Variants in OSBPL3 observed in about 807,000 individuals in gnomAD.
OSBPL3 encodes the protein oxysterol-binding protein-related protein 3.
A neutral mutation model predicts 120.1 loss-of-function variants in OSBPL3; 65 were observed. The ratio of observed to expected loss-of-function variants is 0.54; its 90% CI spans 0.44 to 0.67. The LOEUF (loss-of-function observed/expected upper bound fraction) is 0.67. OSBPL3 is among the 30% of genes least tolerant of loss of function. The pLI is 0.00. For missense variants in OSBPL3, 1,004 were observed against 1,082.1 expected (o/e 0.93, Z 1.01); for synonymous variants, 416 against 402.6 (o/e 1.03, Z -0.40).
At chr7:24,980,918 C>T (rs1473297252), upstream of OSBPL3, among the ~76,000 whole-genome samples, 1 of 152,068 alleles carries the variant, frequency 6.6e-6, no homozygotes, top group Non-Finnish European at 1.5e-5. Context: ...AGCCCAATGG[C>T]CTTCTTTGAT....
Position 24,813,942 on chromosome 7 carries a change from T to C in OSBPL3, c.2172+1117A>G, listed in dbSNP as rs1334777392. 2.0e-5 allele frequency among the ~76,000 whole-genome samples: 3 copies of C among 152,188 alleles called. No homozygotes were observed. The highest frequency in any genetic ancestry group is 4.4e-5 in the Non-Finnish European group (3 of 68,018). On this transcript the variant is annotated intron_variant, in intron 19 of 22. Transcript: ENST00000313367. This position sits in a 1 kb window ranked among gnomAD's most constrained non-coding sequence, Gnocchi z 4.5. The stretch of plus-strand genomic sequence containing the variant: ...TCTCTGAATGTTTATGAGTCTCTCA[T>C]GTGTGCCAGACACCATTGCAGGAAT...
chr7:24,941,640 C>T (rs1009252999), intron 1 of OSBPL3, among the ~76,000 whole-genome samples: 1 of 152,220 alleles, frequency 6.6e-6, no homozygotes, highest in African/African-American at 2.4e-5. Flanking sequence ...AGATAGGTGA[C>T]AGTATTCCCA....
chr7:24,841,142 G>T (rs1049247982), intron 13 of OSBPL3, among the ~76,000 whole-genome samples: 2 of 152,030 alleles, frequency 1.3e-5, no homozygotes, highest in African/African-American at 4.8e-5. Context: ...TCTTCTATGG[G>T]AATTAATACA....
intron 2 of OSBPL3, among the ~76,000 whole-genome samples, chr7:24,885,227 C>CA (rs59823834): frequency 0.19 from 20,827 of 112,076 alleles, 1,925 homozygotes; most frequent in East Asian, 0.51. Flanking sequence ...GTCTCAAAAA[C>CA]AAAAAAAAAA....
In OSBPL3 at chr7:24,959,243, C is replaced by T. The variant is rs745336683; in HGVS notation, c.-150+20643G>A. Among the ~76,000 whole-genome samples, 2 of 152,026 alleles carry T rather than the reference C, an allele frequency of 1.3e-5. No individual in the cohort carries two copies. Among genetic ancestry groups the T allele is most frequent in the Non-Finnish European group, 2.9e-5 (2 of 67,984 alleles). On this transcript the variant is annotated intron_variant, in intron 1 of 22. Coordinates refer to ENST00000313367, the MANE Select transcript of OSBPL3 (RefSeq NM_015550.4). The surrounding 1 kb of genome is among the most constrained non-coding windows in gnomAD (Gnocchi z 4.3). ...CTCCTTGGTATATACTCAATAAAAACGCACACATTTGTTCACCAAAAGTTA... is the reference window on the plus strand; with the variant it reads ...CTCCTTGGTATATACTCAATAAAAATGCACACATTTGTTCACCAAAAGTTA...
intron 14 of OSBPL3, among the ~76,000 whole-genome samples, chr7:24,839,859 G>A (rs886316399): frequency 1.3e-5 from 2 of 151,688 alleles, no homozygotes; most frequent in South Asian, 4.2e-4. Context: ...GCATGGTGGT[G>A]CGTGCCTGTA....
In OSBPL3 at chr7:24,937,013, C is replaced by T. The variant is rs1250007121; in HGVS notation, c.-150+42873G>A. Among the ~76,000 whole-genome samples the T allele has an allele frequency of 6.6e-6, 1 of 152,036 alleles. No homozygotes were observed. Among genetic ancestry groups the T allele is most frequent in the East Asian group, 1.9e-4 (1 of 5,188 alleles). On this transcript the variant is annotated intron_variant, in intron 1 of 22. Transcript: ENST00000313367. This position sits in a 1 kb window ranked among gnomAD's most constrained non-coding sequence, Gnocchi z 4.0. ...TCTTGTGCTGCTAATAAAGACATAC[C>T]CAAGACTGGGTAATTTATAAAGGAA...
At chr7:24,880,544 C>G (rs1803529260) in intron 2 of OSBPL3, among the ~76,000 whole-genome samples, 1 of 152,232 alleles carries the variant, frequency 6.6e-6, no homozygotes, top group Non-Finnish European at 1.5e-5. Flanking sequence ...ACTCAAGGGT[C>G]TCTTCTGAGT....
At chr7:24,890,992 C>T (rs905446348) in intron 2 of OSBPL3, among the ~76,000 whole-genome samples, 1 of 152,126 alleles carries the variant, frequency 6.6e-6, no homozygotes, top group African/African-American at 2.4e-5. Flanking sequence ...CATGTTCTCC[C>T]CCTTTATCAA....
chr7:24,891,163 T>G lies in OSBPL3; in HGVS notation c.96+1214A>C, dbSNP rs998356113. On this transcript the variant is annotated intron_variant, in intron 2 of 22. Coordinates refer to ENST00000313367, the MANE Select transcript of OSBPL3 (RefSeq NM_015550.4). The surrounding 1 kb of genome is among the most constrained non-coding windows in gnomAD (Gnocchi z 4.1). ...ACAGTGACCCTCATGAAAACAGAACTGCAGGGAGCCATGATGCATTAGCCA... is the reference window on the plus strand; with the variant it reads ...ACAGTGACCCTCATGAAAACAGAACGGCAGGGAGCCATGATGCATTAGCCA... 5.3e-5 allele frequency among the ~76,000 whole-genome samples: 8 copies of G among 151,900 alleles called. No homozygotes were observed. The highest frequency in any genetic ancestry group is 1.5e-5 in the Non-Finnish European group (1 of 67,998).
intron 22 of OSBPL3, 62 bp from the exon 23 acceptor site, chr7:24,800,341 T>G: frequency 1.0e-6 from 1 of 952,988 alleles, no homozygotes. Flanking sequence ...CTCAAGTCTC[T>G]TTCCTTCCTA....
rs988891934 is a variant in OSBPL3 at position 24,968,297 on chromosome 7, G to T, written c.-150+11589C>A. ...TCCATGGTGTAAATACTCCCACTGT[G>T]GCTGGCTTCAAACTACCAACATGAA... On this transcript the variant is annotated intron_variant, in intron 1 of 22. Coordinates refer to ENST00000313367, the MANE Select transcript of OSBPL3 (RefSeq NM_015550.4). The surrounding 1 kb of genome is among the most constrained non-coding windows in gnomAD (Gnocchi z 4.6). Among the ~76,000 whole-genome samples the T allele has an allele frequency of 1.3e-5, 2 of 152,308 alleles. No individual in the cohort carries two copies. The highest frequency in any genetic ancestry group is 2.1e-4 in the South Asian group (1 of 4,820).
chr7:24,979,244 A>G (rs2128555277), intron 1 of OSBPL3, among the ~76,000 whole-genome samples: 1 of 151,952 alleles, frequency 6.6e-6, no homozygotes, highest in East Asian at 1.9e-4. Context: ...GACGAGAGTT[A>G]GGGTGAGCCT....
rs1331646628 is a variant in OSBPL3, at chr7:24,980,075, C to T, written c.-339G>A. On this transcript the variant is annotated 5_prime_UTR_variant, in exon 1 of 23. Coordinates refer to ENST00000313367, the MANE Select transcript of OSBPL3 (RefSeq NM_015550.4). ...TGCAGACAGACTGCGGGGCCGGAGCCGCGCTGCGCACCGGCCGCGAAGCGC... is the reference window on the plus strand; with the variant it reads ...TGCAGACAGACTGCGGGGCCGGAGCTGCGCTGCGCACCGGCCGCGAAGCGC... The T allele has an allele frequency of 5.1e-6, 5 of 984,590 alleles. No individual in the cohort carries two copies. In the East Asian group the frequency reaches 5.7e-4, roughly 112 times the overall value. The allele number at this position is 984,590 out of a possible 1,614,324, so 61.0% of individuals were successfully genotyped here. A position where few individuals can be genotyped will look rare whatever the true frequency, so the allele number is the denominator to read the frequency against.
Position 24,953,886 on chromosome 7 carries a change from C to A in OSBPL3, c.-150+26000G>T, listed in dbSNP as rs1300761441. On this transcript the variant is annotated intron_variant, in intron 1 of 22. Coordinates refer to ENST00000313367, the MANE Select transcript of OSBPL3 (RefSeq NM_015550.4). The surrounding 1 kb of genome is among the most constrained non-coding windows in gnomAD (Gnocchi z 4.3). ...CTACAAAATGTGAGACAAAACAGCT[C>A]ATGAAGAAAATAATCCTTATGGTAA... 6.6e-6 allele frequency among the ~76,000 whole-genome samples: 1 copy of A among 152,186 alleles called. No individual in the cohort carries two copies. Among genetic ancestry groups the A allele is most frequent in the Non-Finnish European group, 1.5e-5 (1 of 68,036 alleles).
In OSBPL3 at chr7:24,852,409, C is replaced by T. The variant is rs1437126709; in HGVS notation, c.1158+95G>A. On this transcript the variant is annotated intron_variant, in intron 11 of 22. Transcript: ENST00000313367. The surrounding 1 kb of genome is among the most constrained non-coding windows in gnomAD (Gnocchi z 4.1). ...ATAATTTGGATAATTTGGTTTTCTC[C>T]TGAATTTTCAACATAATCATGGAAA... 20 of 1,191,144 alleles carry T rather than the reference C, an allele frequency of 1.7e-5. No individual in the cohort carries two copies. In the East Asian group the frequency reaches 5.5e-4, roughly 33 times the overall value. The allele number at this position is 1,191,144 out of a possible 1,614,324, so 73.8% of individuals were successfully genotyped here.
At chr7:24,901,144 T>C (rs1304922002) in intron 1 of OSBPL3, among the ~76,000 whole-genome samples, 1 of 151,580 alleles carries the variant, frequency 6.6e-6, no homozygotes, top group African/African-American at 2.4e-5. Context: ...CTGGCCAACA[T>C]AGAGAAACCC....
At position 24,806,203 on chromosome 7, in the gene OSBPL3, C is replaced by A. The variant is rs146852525; in HGVS notation, c.2444+573G>T. ...AACTCCTGACTTCAAGTGATCCGCC[C>A]GCTTCGGCCTCCCAAAGTGTTGTTT... On this transcript the variant is annotated intron_variant, in intron 21 of 22. Transcript: ENST00000313367. The surrounding 1 kb of genome is among the most constrained non-coding windows in gnomAD (Gnocchi z 5.2). 6.6e-6 allele frequency among the ~76,000 whole-genome samples: 1 copy of A among 152,206 alleles called. No homozygotes were observed. The highest frequency in any genetic ancestry group is 1.5e-5 in the Non-Finnish European group (1 of 68,030).
chr7:24,829,747 A>C (rs1796146593), intron 16 of OSBPL3, among the ~76,000 whole-genome samples: 1 of 152,144 alleles, frequency 6.6e-6, no homozygotes, highest in African/African-American at 2.4e-5. Flanking sequence ...AATTTTAATA[A>C]AATTTCTTTC....
Sources: gnomAD v4.1 joint callset for allele counts (sites outside exome capture counted in the v4.1 genomes callset) on GRCh38, gnomAD v4.1.1 for gene constraint, Gnocchi (gnomAD v3.1) non-coding constraint, MANE v1.5 for transcripts, NCBI Gene and HGNC (gene_info 2026-07-23, HGNC 2026-07-21) for gene names.